TCF15: variants seen among roughly 807,000 people sequenced by gnomAD.
TCF15 encodes the protein transcription factor 15, also known as TCF-15.
Under a neutral mutation model 11.1 loss-of-function variants are expected in TCF15, and 7 were observed. The ratio of observed to expected loss-of-function variants is 0.63; its 90% CI spans 0.36 to 1.19. The LOEUF is 1.19. TCF15 is among the 50% of genes most tolerant of loss of function. The probability of loss-of-function intolerance (pLI) is 0.02; values close to 1 mark genes in which losing one functional copy is unlikely to be tolerated. For missense variants in TCF15, 288 were observed against 289.4 expected (o/e 1.00, Z 0.03); for synonymous variants, 144 against 138.9 (o/e 1.04, Z -0.26).
Position 609,956 on chromosome 20 carries a change from C to T in TCF15, c.282G>A (p.Ala94=), listed in dbSNP as rs113965101. The change falls in exon 1 of 2, where the codon GCG becomes GCA. Residue 94 remains alanine (A), a synonymous_variant. Coordinates refer to ENST00000246080, the MANE Select transcript of TCF15 (RefSeq NM_004609.4). This position sits in a 1 kb window ranked among gnomAD's most constrained non-coding sequence, Gnocchi z 4.7. ...RTQSVNTAFT[A]LRTLIPTEPV... is the part of the protein sequence containing the mutation. ...GCTCGGTGGGGATGAGCGTGCGCAG[C>T]GCCGTGAAGGCCGTGTTCACGCTCT... 20,841 of 1,485,972 alleles carry T rather than the reference C, an allele frequency of 0.014. 177 individuals are homozygous for T. Among genetic ancestry groups the T allele is most frequent in the Non-Finnish European group, 0.016 (17,817 of 1,125,300 alleles). The allele number at this position is 1,485,972 out of a possible 1,614,324, so 92.0% of individuals were successfully genotyped here. A position where few individuals can be genotyped will look rare whatever the true frequency, so the allele number is the denominator to read the frequency against.
At position 610,179 on chromosome 20, in the gene TCF15, A is replaced by G. The variant is rs2122245640; in HGVS notation, c.59T>C (p.Leu20Pro). 1.9e-6 allele frequency: 2 copies of G among 1,055,268 alleles called. No homozygotes were observed. Among genetic ancestry groups the G allele is most frequent in the Admixed American group, 4.9e-5 (1 of 20,604 alleles). The allele number at this position is 1,055,268 out of a possible 1,614,324, so 65.4% of individuals were successfully genotyped here. ...GAHVLYPDVRLLSEDEENRSE... is the reference protein window; with the variant it reads ...GAHVLYPDVRPLSEDEENRSE... The stretch of plus-strand genomic sequence containing the variant: ...GCGGTTCTCCTCGTCCTCGCTCAGC[A>G]GCCGCACGTCCGGGTACAGCACGTG... Residue 20 changes from leucine to proline, a missense_variant, in exon 1 of 2, where the codon CTG (leucine) becomes CCG (proline). Coordinates refer to ENST00000246080, the MANE Select transcript of TCF15 (RefSeq NM_004609.4).
rs549145356 is a variant in TCF15 at position 608,345 on chromosome 20, G to A, written c.525+1368C>T. Among the ~76,000 whole-genome samples, 42 of 152,318 alleles carry A rather than the reference G, an allele frequency of 2.8e-4. 1 individual carries two copies. The highest frequency in any genetic ancestry group is 2.6e-4 in the Admixed American group (4 of 15,300). ...CAGAAGGCAGCTGTTGGGTAGCTAA[G>A]GGTTGCTAACTGGAATGAATGGGTG... On this transcript the variant is annotated intron_variant, in intron 1 of 1. Transcript: ENST00000246080.
At position 608,595 on chromosome 20, in the gene TCF15, G is replaced by A. The variant is rs138174707; in HGVS notation, c.525+1118C>T. On this transcript the variant is annotated intron_variant, in intron 1 of 1. Coordinates refer to ENST00000246080, the MANE Select transcript of TCF15 (RefSeq NM_004609.4). ...TGAGCAACCAGGCTGGATATCTGAT[G>A]AGCCAGACAGAGGGTGGTCTCAGGC... 2.7e-3 allele frequency among the ~76,000 whole-genome samples: 410 copies of A among 152,336 alleles called. 2 individuals carry two copies. Among genetic ancestry groups the A allele is most frequent in the African/African-American group, 9.4e-3 (392 of 41,576 alleles).
Position 609,774 on chromosome 20 carries a change from G to C in TCF15, c.464C>G (p.Ala155Gly). The C allele has an allele frequency of 1.4e-6, 2 of 1,410,834 alleles. No homozygotes were observed. The allele number at this position is 1,410,834 out of a possible 1,614,324, so 87.4% of individuals were successfully genotyped here. Residue 155 changes from alanine (A) to glycine (G), a missense_variant, in exon 1 of 2, where the codon GCC becomes GGC. Transcript: ENST00000246080. This position sits in a 1 kb window ranked among gnomAD's most constrained non-coding sequence, Gnocchi z 4.7. ...GGAGCGCGGCTGGCGGCCGCCGTCGGCGGCGGCGGGGACGGCGCCCTTGGC... is the reference window on the plus strand; with the variant it reads ...GGAGCGCGGCTGGCGGCCGCCGTCGCCGGCGGCGGGGACGGCGCCCTTGGC... ...GSAKGAVPAA[A>G]DGGRQPRSIC...
intron 1 of TCF15, among the ~76,000 whole-genome samples, chr20:606,563 C>T (rs1253236013): frequency 6.6e-6 from 1 of 152,136 alleles, no homozygotes; most frequent in Non-Finnish European, 1.5e-5. Context: ...TGCCTGTAAT[C>T]CCAGCACTTT....
chr20:608,915 T>A (rs1174521736), intron 1 of TCF15, among the ~76,000 whole-genome samples: 3 of 152,140 alleles, frequency 2.0e-5, no homozygotes, highest in Non-Finnish European at 1.5e-5. Flanking sequence ...AGAGGCCACC[T>A]CTGCTGCCAC....
In TCF15 at chr20:610,044, GCGCCGCCGCCGCCGCCCGCC is replaced by G; in HGVS notation, c.174_193del (p.Ala59GlyfsTer115). 1 of 1,171,150 alleles carries G rather than the reference GCGCCGCCGCCGCCGCCCGCC, an allele frequency of 8.5e-7. No individual in the cohort carries two copies. The highest frequency in any genetic ancestry group is 1.1e-6 in the Non-Finnish European group (1 of 949,988). 72.5% of individuals were successfully genotyped at this position (1,171,150 alleles called of 1,614,324 possible). A position where few individuals can be genotyped will look rare whatever the true frequency, so the allele number is the denominator to read the frequency against. ...CTGTCGCACCACCACCACGGGGCCC[GCGCCGCCGCCGCCGCCCGCC>G]CGCCGCCCGCCCCCGGGGCCCGGGC... On this transcript the variant is annotated frameshift_variant, in exon 1 of 2. Transcript: ENST00000246080. LOFTEE classifies it high-confidence loss of function.
Position 610,209 on chromosome 20 carries a change from C to A in TCF15, c.29G>T (p.Gly10Val). MAFALLRPV[G>V]AHVLYPDVRL... Reference sequence around the variant, plus strand: ...CACGTCCGGGTACAGCACGTGCGCGCCGACGGGCCGCAGCAGCGCGAACGC... The same window carrying A: ...CACGTCCGGGTACAGCACGTGCGCGACGACGGGCCGCAGCAGCGCGAACGC... Residue 10 changes from glycine (G) to valine (V), a missense_variant, in exon 1 of 2, where the codon GGC (glycine) becomes GTC (valine). Coordinates refer to ENST00000246080, the MANE Select transcript of TCF15 (RefSeq NM_004609.4). 1 of 1,029,618 alleles carries A rather than the reference C, an allele frequency of 9.7e-7. No homozygotes were observed. The highest frequency in any genetic ancestry group is 3.3e-5 in the South Asian group (1 of 30,428). 63.8% of individuals were successfully genotyped at this position (1,029,618 alleles called of 1,614,324 possible). A position where few individuals can be genotyped will look rare whatever the true frequency, so the allele number is the denominator to read the frequency against.
Position 604,718 on chromosome 20 carries a change from C to G in TCF15, c.526-53G>C, listed in dbSNP as rs1205210695. ...AGGTTCGATTAGGCCAGTGTGAACA[C>G]TGGAACTAACCTCTGTATCCCTCAA... On this transcript the variant is annotated intron_variant, in intron 1 of 1. Transcript: ENST00000246080. This position sits in a 1 kb window ranked among gnomAD's most constrained non-coding sequence, Gnocchi z 4.2. The G allele has an allele frequency of 2.2e-6, 3 of 1,380,686 alleles. No homozygotes were observed. Among genetic ancestry groups the G allele is most frequent in the Non-Finnish European group, 3.0e-6 (3 of 1,016,726 alleles). The allele number at this position is 1,380,686 out of a possible 1,614,324, so 85.5% of individuals were successfully genotyped here. A position where few individuals can be genotyped will look rare whatever the true frequency, so the allele number is the denominator to read the frequency against.
chr20:604,669 C>T lies in TCF15; in HGVS notation c.526-4G>A. ...CCCCCAGGTCACGACGGCCACCCTGCAGAGGGGGAGAAAGAGTATAAAGAG... is the reference window on the plus strand; with the variant it reads ...CCCCCAGGTCACGACGGCCACCCTGTAGAGGGGGAGAAAGAGTATAAAGAG... On this transcript the variant is annotated splice_region_variant and splice_polypyrimidine_tract_variant and intron_variant, in intron 1 of 1. Transcript: ENST00000246080. This position sits in a 1 kb window ranked among gnomAD's most constrained non-coding sequence, Gnocchi z 4.2. 1.9e-6 allele frequency: 3 copies of T among 1,550,480 alleles called. No individual in the cohort carries two copies. Among genetic ancestry groups the T allele is most frequent in the Non-Finnish European group, 2.6e-6 (3 of 1,146,550 alleles).
At chr20:606,130 C>G (rs2122237137) in intron 1 of TCF15, among the ~76,000 whole-genome samples, 1 of 152,174 alleles carries the variant, frequency 6.6e-6, no homozygotes, top group South Asian at 2.1e-4. Flanking sequence ...TCTTGCAGCC[C>G]AGGGACAGCA....
intron 1 of TCF15, among the ~76,000 whole-genome samples, chr20:606,551 T>A (rs1169301003): frequency 6.6e-6 from 1 of 152,110 alleles, no homozygotes; most frequent in African/African-American, 2.4e-5. Context: ...TATGGTGGCT[T>A]ATGCCTGTAA....
intron 1 of TCF15, among the ~76,000 whole-genome samples, chr20:605,780 C>A (rs1477380941): frequency 6.6e-6 from 1 of 152,240 alleles, no homozygotes; most frequent in Non-Finnish European, 1.5e-5. Flanking sequence ...TTCATCCTCA[C>A]CGTAAGCCAG....
At position 609,646 on chromosome 20, in the gene TCF15, C is replaced by A; in HGVS notation, c.525+67G>T. ...TGGGGACCCCTGCACCTCTCCGGTTCCCGCAGAGGCGCTGCCCCCCGCCTA... is the reference window on the plus strand; with the variant it reads ...TGGGGACCCCTGCACCTCTCCGGTTACCGCAGAGGCGCTGCCCCCCGCCTA... On this transcript the variant is annotated intron_variant, in intron 1 of 1. Transcript: ENST00000246080. The surrounding 1 kb of genome is among the most constrained non-coding windows in gnomAD (Gnocchi z 4.7). 7.6e-7 allele frequency: 1 copy of A among 1,308,216 alleles called. No individual in the cohort carries two copies. Among genetic ancestry groups the A allele is most frequent in the South Asian group, 2.3e-5 (1 of 43,182 alleles). 81.0% of individuals were successfully genotyped at this position (1,308,216 alleles called of 1,614,324 possible).
chr20:604,328 T>C lies in TCF15; in HGVS notation c.*263A>G, dbSNP rs574246837. ...ACACACACTCACACTCACGCACAGA[T>C]ACACACACACCCTGTCACCAACAGT... On this transcript the variant is annotated 3_prime_UTR_variant, in exon 2 of 2. Coordinates refer to ENST00000246080, the MANE Select transcript of TCF15 (RefSeq NM_004609.4). This position sits in a 1 kb window ranked among gnomAD's most constrained non-coding sequence, Gnocchi z 4.2. The C allele has an allele frequency of 2.3e-5, 13 of 569,036 alleles. No homozygotes were observed. Among genetic ancestry groups the C allele is most frequent in the East Asian group, 1.8e-4 (6 of 33,862 alleles). 35.2% of individuals were successfully genotyped at this position (569,036 alleles called of 1,614,324 possible).
intron 1 of TCF15, among the ~76,000 whole-genome samples, chr20:605,193 A>G (rs907364628): frequency 6.6e-6 from 1 of 151,892 alleles, no homozygotes; most frequent in African/African-American, 2.4e-5. Context: ...TACCTTTTCT[A>G]CTTCTTTCCC....
Position 610,213 on chromosome 20 carries a change from C to A in TCF15, c.25G>T (p.Val9Phe), listed in dbSNP as rs1346733682. 1.7e-5 allele frequency: 17 copies of A among 1,025,078 alleles called. No individual in the cohort carries two copies. In the South Asian group the frequency reaches 5.1e-4, roughly 31 times the overall value. 63.5% of individuals were successfully genotyped at this position (1,025,078 alleles called of 1,614,324 possible). A position where few individuals can be genotyped will look rare whatever the true frequency, so the allele number is the denominator to read the frequency against. MAFALLRP[V>F]GAHVLYPDVR... ...TCCGGGTACAGCACGTGCGCGCCGA[C>A]GGGCCGCAGCAGCGCGAACGCCATG... Residue 9 changes from valine (V) to phenylalanine (F), a missense_variant, in exon 1 of 2, where the codon GTC becomes TTC. Coordinates refer to ENST00000246080, the MANE Select transcript of TCF15 (RefSeq NM_004609.4).
rs2020012706 is a variant in TCF15 at position 610,176 on chromosome 20, A to G, written c.62T>C (p.Leu21Pro). The change falls in exon 1 of 2, where the codon CTG becomes CCG. Residue 21 changes from leucine (L) to proline (P), a missense_variant. Coordinates refer to ENST00000246080, the MANE Select transcript of TCF15 (RefSeq NM_004609.4). ...GCTGCGGTTCTCCTCGTCCTCGCTCAGCAGCCGCACGTCCGGGTACAGCAC... is the reference window on the plus strand; with the variant it reads ...GCTGCGGTTCTCCTCGTCCTCGCTCGGCAGCCGCACGTCCGGGTACAGCAC... The part of the protein sequence containing the change: ...AHVLYPDVRL[L>P]SEDEENRSES... 3 of 1,055,076 alleles carry G rather than the reference A, an allele frequency of 2.8e-6. No homozygotes were observed. In the African/African-American group the frequency reaches 5.2e-5, roughly 18 times the overall value. The allele number at this position is 1,055,076 out of a possible 1,614,324, so 65.4% of individuals were successfully genotyped here.
At position 608,262 on chromosome 20, in the gene TCF15, C is replaced by G. The variant is rs45524237; in HGVS notation, c.525+1451G>C. ...TGACCCTGGGGCTGTACTGTCAGGT[C>G]CTGACTGGTGGAAGGGTGGGGACCT... On this transcript the variant is annotated intron_variant, in intron 1 of 1. Coordinates refer to ENST00000246080, the MANE Select transcript of TCF15 (RefSeq NM_004609.4). Among the ~76,000 whole-genome samples, 47 of 152,304 alleles carry G rather than the reference C, an allele frequency of 3.1e-4. No individual in the cohort carries two copies. In the East Asian group the frequency reaches 9.1e-3, roughly 29 times the overall value.
Sources: allele counts gnomAD v4.1 joint callset (sites outside exome capture counted in the v4.1 genomes callset), GRCh38; gene constraint gnomAD v4.1.1; non-coding constraint Gnocchi (gnomAD v3.1); transcripts MANE v1.5; gene names NCBI Gene and HGNC (gene_info 2026-07-23, HGNC 2026-07-21).